Variants in AGBL4 observed in about 807,000 individuals in gnomAD.
The protein encoded by AGBL4 is cytosolic carboxypeptidase 6.
Under a neutral mutation model 66.4 loss-of-function variants are expected in AGBL4, and 58 were observed. The observed-to-expected ratio is 0.87, with a 90% CI of 0.71 to 1.09. AGBL4 has a LOEUF of 1.09. Among genes scored for constraint, AGBL4 ranks in the 50% least tolerant of loss-of-function variants. The pLI is 0.00. For missense variants in AGBL4, 579 were observed against 631.0 expected, an observed-to-expected ratio of 0.92 and a Z score of 0.88; for synonymous variants, 234 against 222.9, an observed-to-expected ratio of 1.05 and a Z score of -0.44.
At chr1:49,146,783 A>G (rs533969291) in intron 4 of AGBL4, among the ~76,000 whole-genome samples, 7 of 152,372 alleles carry the variant, frequency 4.6e-5, no homozygotes, top group Admixed American at 3.3e-4. Flanking sequence ...GTGTAGCCCT[A>G]TGATTGGGCT....
intron 3 of AGBL4, among the ~76,000 whole-genome samples, chr1:49,307,501 A>G (rs1163226104): frequency 6.6e-6 from 1 of 152,148 alleles, no homozygotes; most frequent in Non-Finnish European, 1.5e-5. Context: ...TGATGTGAAG[A>G]CTAGAGATAC....
chr1:49,112,613 T>TTAGAATA (rs1230646140), intron 4 of AGBL4, among the ~76,000 whole-genome samples: 1 of 152,226 alleles, frequency 6.6e-6, no homozygotes, highest in African/African-American at 2.4e-5. Flanking sequence ...ATAACGAAGG[T>TTAGAATA]TAGAATATCA....
intron 1 of AGBL4, among the ~76,000 whole-genome samples, chr1:49,985,947 A>T (rs1659467479): frequency 6.6e-6 from 1 of 152,136 alleles, no homozygotes. Flanking sequence ...AAGGGAAAAT[A>T]AAAAAGCCCA....
chr1:49,193,703 AT>A (rs34504540), intron 4 of AGBL4, among the ~76,000 whole-genome samples: 28,767 of 144,700 alleles, frequency 0.2, 3,222 homozygotes, highest in East Asian at 0.42. Flanking sequence ...AATTTTTTGT[AT>A]TTTTTTTTTT....
rs78650292 is a variant in AGBL4, at chr1:49,443,259, G to A, written c.283-197395C>T. On this transcript the variant is annotated intron_variant, in intron 3 of 13. Transcript: ENST00000371839. ...CTGTTATTTCTTTTGTTGTGAAGAAGCTTTTTAATATAATTAAGTCACATT... is the reference window on the plus strand; with the variant it reads ...CTGTTATTTCTTTTGTTGTGAAGAAACTTTTTAATATAATTAAGTCACATT... 1.9e-3 allele frequency among the ~76,000 whole-genome samples: 288 copies of A among 152,116 alleles called. 1 individual carries two copies. Among genetic ancestry groups the A allele is most frequent in the African/African-American group, 6.4e-3 (267 of 41,540 alleles).
intron 2 of AGBL4, among the ~76,000 whole-genome samples, chr1:49,714,610 A>G (rs1647948541): frequency 6.6e-6 from 1 of 150,636 alleles, no homozygotes; most frequent in African/African-American, 2.4e-5. Context: ...ACACACATAT[A>G]TATATATCTA....
At chr1:49,792,016 C>A (rs1263822168) in intron 2 of AGBL4, among the ~76,000 whole-genome samples, 2 of 151,998 alleles carry the variant, frequency 1.3e-5, no homozygotes, top group East Asian at 3.9e-4. Flanking sequence ...CATAAAATTA[C>A]CCCAGTAAAT....
At chr1:48,569,469 C>T (rs1644525854) in intron 11 of AGBL4, among the ~76,000 whole-genome samples, 1 of 152,150 alleles carries the variant, frequency 6.6e-6, no homozygotes, top group Non-Finnish European at 1.5e-5. Flanking sequence ...GTCTGGATTC[C>T]AGCCTGGTTT....
chr1:49,879,572 TTC>T (rs1423978138), intron 1 of AGBL4, among the ~76,000 whole-genome samples: 1 of 148,036 alleles, frequency 6.8e-6, no homozygotes, highest in East Asian at 2.0e-4. Flanking sequence ...AACCCGACCT[TTC>T]TCTCTGGCTG....
chr1:48,855,641 A>G (rs1647131611), intron 6 of AGBL4, among the ~76,000 whole-genome samples: 1 of 152,238 alleles, frequency 6.6e-6, no homozygotes, highest in Non-Finnish European at 1.5e-5. Context: ...TAAAATATCC[A>G]GTAAAAAACT....
chr1:49,579,776 G>T (rs1644506535), intron 3 of AGBL4, among the ~76,000 whole-genome samples: 1 of 152,196 alleles, frequency 6.6e-6, no homozygotes, highest in South Asian at 2.1e-4. Flanking sequence ...TGGGATTACA[G>T]GCGTGAGCCA....
At chr1:49,460,885 G>C (rs924464535) in intron 3 of AGBL4, among the ~76,000 whole-genome samples, 1 of 151,536 alleles carries the variant, frequency 6.6e-6, no homozygotes, top group Non-Finnish European at 1.5e-5. Flanking sequence ...CAAAATTCTT[G>C]GCTAATAATT....
rs543605121 is a variant in AGBL4, at chr1:49,507,249, C to G, written c.282+190064G>C. Among the ~76,000 whole-genome samples the G allele has an allele frequency of 3.0e-4, 45 of 152,074 alleles. No individual in the cohort carries two copies. The South Asian group carries it at 6.6e-3, about 22-fold the overall frequency. On this transcript the variant is annotated intron_variant, in intron 3 of 13. Transcript: ENST00000371839. ...CTATTTCTCAACCATTAGCTAGGAC[C>G]AATTACCAGCCATATGGGTGAACCA...
chr1:49,566,849 C>T (rs979106043), intron 3 of AGBL4, among the ~76,000 whole-genome samples: 1 of 152,220 alleles, frequency 6.6e-6, no homozygotes. Context: ...TTTTAGTCTG[C>T]AGAGGTTATT....
At chr1:49,880,482 G>A (rs1647199036) in intron 1 of AGBL4, among the ~76,000 whole-genome samples, 4 of 152,102 alleles carry the variant, frequency 2.6e-5, no homozygotes, top group African/African-American at 4.8e-5. Context: ...TGGGGGTCGG[G>A]GTCAGGGACC....
chr1:48,904,456 T>G (rs1652394332), intron 5 of AGBL4, among the ~76,000 whole-genome samples: 1 of 152,200 alleles, frequency 6.6e-6, no homozygotes, highest in East Asian at 1.9e-4. Flanking sequence ...TGTCAAATGT[T>G]TATTTGACAG....
At chr1:49,193,344 TTCC>T (rs1405416355) in intron 4 of AGBL4, among the ~76,000 whole-genome samples, 2 of 152,016 alleles carry the variant, frequency 1.3e-5, no homozygotes, top group Non-Finnish European at 2.9e-5. Flanking sequence ...TGCTATAAAC[TTCC>T]ATCTTATCAC....
intron 5 of AGBL4, among the ~76,000 whole-genome samples, chr1:48,885,219 TG>T (rs1367148743): frequency 3.9e-5 from 6 of 152,204 alleles, no homozygotes; most frequent in African/African-American, 1.4e-4. Context: ...TTTTGTGACA[TG>T]TGGAAATTAT....
chr1:49,014,257 A>C (rs1420432672), intron 5 of AGBL4, among the ~76,000 whole-genome samples: 1 of 152,210 alleles, frequency 6.6e-6, no homozygotes, highest in African/African-American at 2.4e-5. Context: ...CTATATTATC[A>C]GTTTTCTGAG....
Sources: allele counts gnomAD v4.1 joint callset (sites outside exome capture counted in the v4.1 genomes callset), GRCh38; gene constraint gnomAD v4.1.1; transcripts MANE v1.5; gene names NCBI Gene and HGNC (gene_info 2026-07-23, HGNC 2026-07-21).